PREX1: variants seen among roughly 807,000 people sequenced by gnomAD.
The protein encoded by PREX1 is phosphatidylinositol 3,4,5-trisphosphate-dependent Rac exchanger 1 protein.
A neutral mutation model predicts 198.3 loss-of-function variants in PREX1; 41 were observed. The ratio of observed to expected loss-of-function variants is 0.21; its 90% CI spans 0.16 to 0.27. The LOEUF (loss-of-function observed/expected upper bound fraction) is 0.27, where lower values mean the gene tolerates loss of function less well. PREX1 is among the 10% of genes least tolerant of loss of function. The pLI is 1.00. For missense variants in PREX1, 1,620 were observed against 2,200.7 expected (o/e 0.74, Z 5.28); for synonymous variants, 843 against 887.2 (o/e 0.95, Z 0.89).
At chr20:48,673,734 C>T (rs1401698209) in intron 14 of PREX1, among the ~76,000 whole-genome samples, 7 of 152,272 alleles carry the variant, frequency 4.6e-5, no homozygotes, top group Non-Finnish European at 1.0e-4. Context: ...GTCTCGTGGT[C>T]CCCAAACCCT....
chr20:48,712,908 G>A (rs1168330989), intron 5 of PREX1, among the ~76,000 whole-genome samples: 4 of 152,094 alleles, frequency 2.6e-5, no homozygotes, highest in South Asian at 2.1e-4. Context: ...GGCAGATCAC[G>A]AGGTCAGGAG....
intron 5 of PREX1, among the ~76,000 whole-genome samples, chr20:48,721,746 G>A (rs558123932): frequency 6.6e-6 from 1 of 152,332 alleles, no homozygotes; most frequent in African/African-American, 2.4e-5. Flanking sequence ...GACAAGAACA[G>A]AGGCAGGGAG....
chr20:48,657,095 G>C lies in PREX1; in HGVS notation c.2068C>G (p.Gln690Glu). 2 of 1,610,432 alleles carry C rather than the reference G, an allele frequency of 1.2e-6. No individual in the cohort carries two copies. The highest frequency in any genetic ancestry group is 1.7e-6 in the Non-Finnish European group (2 of 1,178,248). Residue 690 changes from glutamine to glutamate, a missense_variant, in exon 18 of 40, where the codon CAG (glutamine) becomes GAG (glutamate). Gln to Glu is a conservative substitution (Grantham distance 29). Around this residue, in one of 7 missense-constraint regions of PREX1, gnomAD observed 514 missense variants for 611.6 expected, o/e 0.84. Transcript: ENST00000371941. Reference protein sequence around the residue: ...PFSEVESILNQSFCSRRPLRL... With the variant: ...PFSEVESILNESFCSRRPLRL... Reference sequence around the variant, plus strand: ...AGAGGGCGGCGGGAGCAGAAGGACTGGTTGAGGATGGACTCCACCTCTGAA... The same window carrying C: ...AGAGGGCGGCGGGAGCAGAAGGACTCGTTGAGGATGGACTCCACCTCTGAA...
intron 27 of PREX1, among the ~76,000 whole-genome samples, chr20:48,643,002 T>C (rs2089425593): frequency 6.6e-6 from 1 of 152,220 alleles, no homozygotes; most frequent in Admixed American, 6.5e-5. Context: ...AGACTATCTC[T>C]GAAAAGACAC....
chr20:48,653,558 ACT>A, intron 19 of PREX1, 61 bp from the exon 20 acceptor site: 1 of 1,563,892 alleles, frequency 6.4e-7, no homozygotes, highest in Non-Finnish European at 8.7e-7. Flanking sequence ...CCCGCTGAAC[ACT>A]GTCCCCCACC....
intron 15 of PREX1, among the ~76,000 whole-genome samples, chr20:48,661,527 A>ACGTGTG (rs1555832850): frequency 8.2e-6 from 1 of 121,238 alleles, no homozygotes; most frequent in African/African-American, 3.2e-5. Flanking sequence ...AATATATATA[A>ACGTGTG]TGTGTGTGTG....
intron 1 of PREX1, among the ~76,000 whole-genome samples, chr20:48,759,445 G>A (rs189426042): frequency 1.6e-4 from 24 of 150,392 alleles, no homozygotes; most frequent in Admixed American, 4.6e-4. Flanking sequence ...AGCTACTTGC[G>A]AGGCTAAGAC....
chr20:48,769,267 G>T (rs2122872757), intron 1 of PREX1, among the ~76,000 whole-genome samples: 1 of 152,292 alleles, frequency 6.6e-6, no homozygotes, highest in African/African-American at 2.4e-5. Flanking sequence ...GAGGCTGGGG[G>T]TGGTGGTGCG....
chr20:48,821,549 C>T (rs556990154), intron 1 of PREX1: 1 of 152,424 alleles, frequency 6.6e-6, no homozygotes, highest in East Asian at 1.9e-4. Flanking sequence ...AGTATTCTAG[C>T]CAGCATGCCT....
chr20:48,673,540 A>C (rs2089689996), intron 14 of PREX1, among the ~76,000 whole-genome samples: 1 of 152,198 alleles, frequency 6.6e-6, no homozygotes, highest in Admixed American at 6.5e-5. Context: ...CGTCCACAGC[A>C]GTAAGAAGTG....
At chr20:48,698,824 T>C (rs761274) in intron 7 of PREX1, among the ~76,000 whole-genome samples, 86,470 of 152,094 alleles carry the variant, frequency 0.57, 26,426 homozygotes, top group African/African-American at 0.8. Context: ...TGCTGTGCAC[T>C]CACTATGTCC....
At chr20:48,765,872 C>T (rs1433999859) in intron 1 of PREX1, among the ~76,000 whole-genome samples, 1 of 152,206 alleles carries the variant, frequency 6.6e-6, no homozygotes, top group African/African-American at 2.4e-5. Context: ...AGAAGCAAAG[C>T]TTCATCTGTA....
chr20:48,646,359 G>C (rs1232962251), intron 25 of PREX1, among the ~76,000 whole-genome samples: 2 of 152,302 alleles, frequency 1.3e-5, no homozygotes, highest in African/African-American at 4.8e-5. Flanking sequence ...AAATGGGCGT[G>C]GCTGTGTTCC....
At chr20:48,779,021 A>T (rs181886426) in intron 1 of PREX1, among the ~76,000 whole-genome samples, 1 of 152,372 alleles carries the variant, frequency 6.6e-6, no homozygotes, top group Non-Finnish European at 1.5e-5. Context: ...TTAGAACAAA[A>T]ATGAAAACTT....
intron 1 of PREX1, among the ~76,000 whole-genome samples, chr20:48,761,314 C>T (rs951574724): frequency 6.6e-6 from 1 of 152,246 alleles, no homozygotes; most frequent in Non-Finnish European, 1.5e-5. Context: ...TATTATCCAT[C>T]TAGCCCACTT....
At position 48,627,626 on chromosome 20, in the gene PREX1, G is replaced by A. The variant is rs368582133; in HGVS notation, c.4870-11C>T. 96 of 1,605,254 alleles carry A rather than the reference G, an allele frequency of 6.0e-5. No individual in the cohort carries two copies. In the African/African-American group the frequency reaches 1.2e-3, roughly 21 times the overall value. ...CTCCACCCTTGGGCCCTGGAAGAAG[G>A]AACCATCAGGCAGGGGCCTCTGCAG... On this transcript the variant is annotated splice_polypyrimidine_tract_variant and intron_variant, in intron 38 of 39. Coordinates refer to ENST00000371941, the MANE Select transcript of PREX1 (RefSeq NM_020820.4).
chr20:48,643,225 A>C (rs1045791867), intron 27 of PREX1, among the ~76,000 whole-genome samples: 3 of 152,210 alleles, frequency 2.0e-5, no homozygotes, highest in African/African-American at 7.2e-5. Flanking sequence ...AATCCCAGCA[A>C]TTTGGGAGGC....
At chr20:48,743,273 G>C (rs923361942) in intron 3 of PREX1, among the ~76,000 whole-genome samples, 2 of 152,134 alleles carry the variant, frequency 1.3e-5, no homozygotes, top group African/African-American at 4.8e-5. Flanking sequence ...TGTCTCCTCT[G>C]AACCCAAAGG....
At chr20:48,637,852 T>C in intron 30 of PREX1, 100 bp from the exon 31 acceptor site, 2 of 1,037,900 alleles carry the variant, frequency 1.9e-6, no homozygotes, top group Non-Finnish European at 2.9e-6. Flanking sequence ...CCCAAGGTGC[T>C]CTGACCCTTC....
Sources: allele counts gnomAD v4.1 joint callset (sites outside exome capture counted in the v4.1 genomes callset), GRCh38; gene constraint gnomAD v4.1.1; regional missense constraint gnomAD v4.1.1; transcripts MANE v1.5; gene names NCBI Gene and HGNC (gene_info 2026-07-23, HGNC 2026-07-21).